The following OCIAD1 variants were observed in gnomAD, a reference collection of about 807,000 sequenced individuals.
The protein encoded by OCIAD1 is OCIA domain-containing protein 1.
OCIAD1 carries 29 observed loss-of-function variants against 38.9 expected under a neutral mutation model. The ratio of observed to expected loss-of-function variants is 0.74; its 90% CI spans 0.55 to 1.02. The LOEUF (loss-of-function observed/expected upper bound fraction) is 1.02, where lower values mean the gene tolerates loss of function less well. Ranked by LOEUF, OCIAD1 falls within the 50% of genes least tolerant of loss-of-function variation. OCIAD1 has a pLI of 0.00. For missense variants in OCIAD1, 288 were observed against 289.6 expected (o/e 0.99, Z 0.04); for synonymous variants, 110 against 92.0 (o/e 1.20, Z -1.12).
intron 1 of OCIAD1, among the ~76,000 whole-genome samples, chr4:48,807,391 C>T (rs1417456638): frequency 6.6e-6 from 1 of 152,038 alleles, no homozygotes; most frequent in African/African-American, 2.4e-5. Flanking sequence ...GGATCTACTA[C>T]TTATTAGCAA....
intron 1 of OCIAD1, among the ~76,000 whole-genome samples, chr4:48,822,614 A>G (rs1015714724): frequency 2.0e-5 from 3 of 152,232 alleles, no homozygotes; most frequent in Admixed American, 6.5e-5. Flanking sequence ...GGCAACCTAC[A>G]GAATGGGAGA....
At chr4:48,810,418 A>G (rs902513016) in intron 1 of OCIAD1, among the ~76,000 whole-genome samples, 5 of 150,042 alleles carry the variant, frequency 3.3e-5, no homozygotes, top group Admixed American at 6.7e-5. Context: ...GCAGTGAGCC[A>G]AGATCGCACC....
chr4:48,838,036 G>A (rs1778161716), intron 3 of OCIAD1, among the ~76,000 whole-genome samples: 2 of 152,080 alleles, frequency 1.3e-5, no homozygotes, highest in Non-Finnish European at 2.9e-5. Flanking sequence ...GACAAAAAGC[G>A]GCTGGGCTTG....
intron 4 of OCIAD1, among the ~76,000 whole-genome samples, chr4:48,847,324 C>T (rs1779058078): frequency 6.6e-6 from 1 of 152,040 alleles, no homozygotes; most frequent in Non-Finnish European, 1.5e-5. Flanking sequence ...TGTGAGACTT[C>T]TCTGTATACT....
At chr4:48,846,359 G>A (rs1560430458) in intron 4 of OCIAD1, among the ~76,000 whole-genome samples, 1 of 152,172 alleles carries the variant, frequency 6.6e-6, no homozygotes, top group Non-Finnish European at 1.5e-5. Flanking sequence ...TTTCAACATG[G>A]TGAGATTCAT....
chr4:48,815,219 AGG>A (rs1436036349), intron 1 of OCIAD1, among the ~76,000 whole-genome samples: 1 of 152,212 alleles, frequency 6.6e-6, no homozygotes, highest in East Asian at 1.9e-4. Context: ...AGACTGAGGC[AGG>A]AGAATTGCTT....
intron 1 of OCIAD1, among the ~76,000 whole-genome samples, chr4:48,820,193 C>A (rs1415240132): frequency 1.3e-5 from 2 of 152,174 alleles, no homozygotes; most frequent in African/African-American, 4.8e-5. Context: ...GAAATCATAA[C>A]AAACAGTCTC....
At chr4:48,829,259 T>TAA (rs1203075134), upstream of OCIAD1, among the ~76,000 whole-genome samples, 6 of 145,318 alleles carry the variant, frequency 4.1e-5, no homozygotes, top group African/African-American at 1.5e-4. Flanking sequence ...GGCCCTGTCC[T>TAA]AAAAAAAAAA....
intron 3 of OCIAD1, among the ~76,000 whole-genome samples, chr4:48,840,246 C>G (rs1778398589): frequency 6.6e-6 from 1 of 152,190 alleles, no homozygotes; most frequent in African/African-American, 2.4e-5. Context: ...GTAGAAATGG[C>G]CAGCTAACTC....
intron 1 of OCIAD1, among the ~76,000 whole-genome samples, chr4:48,807,677 G>A (rs546015811): frequency 1.0e-3 from 156 of 152,180 alleles, no homozygotes; most frequent in Middle Eastern, 3.4e-3. Flanking sequence ...GCTGGCCCAA[G>A]CAAAATCAAC....
At chr4:48,828,076 G>A (rs749228319), upstream of OCIAD1, among the ~76,000 whole-genome samples, 8 of 152,056 alleles carry the variant, frequency 5.3e-5, no homozygotes, top group African/African-American at 9.7e-5. Context: ...TCAGTGCTCT[G>A]TGTCTGGCTA....
chr4:48,817,617 C>A (rs952642521), intron 1 of OCIAD1, among the ~76,000 whole-genome samples: 4 of 152,240 alleles, frequency 2.6e-5, no homozygotes, highest in African/African-American at 9.6e-5. Flanking sequence ...AGCCAGGAAG[C>A]CAAGTGGTCT....
chr4:48,820,524 T>A (rs1339843762), intron 1 of OCIAD1, among the ~76,000 whole-genome samples: 1 of 152,042 alleles, frequency 6.6e-6, no homozygotes, highest in East Asian at 1.9e-4. Flanking sequence ...ATTCAAAAGC[T>A]AGCAGAAAAC....
intron 8 of OCIAD1, among the ~76,000 whole-genome samples, chr4:48,858,026 T>A (rs1010748102): frequency 7.2e-5 from 11 of 152,000 alleles, no homozygotes; most frequent in African/African-American, 2.4e-4. Context: ...TGGTGGTGCA[T>A]GCCTGTAATC....
chr4:48,812,291 A>C (rs1777096972), intron 1 of OCIAD1, among the ~76,000 whole-genome samples: 1 of 138,534 alleles, frequency 7.2e-6, no homozygotes, highest in Non-Finnish European at 1.6e-5. Flanking sequence ...TCAAAAAAAA[A>C]AAAAAAAAAA....
chr4:48,826,778 C>T (rs1777256697), upstream of OCIAD1, among the ~76,000 whole-genome samples: 5 of 152,136 alleles, frequency 3.3e-5, no homozygotes, highest in Admixed American at 3.3e-4. Context: ...CTCCAGCTAC[C>T]ACTCTATCTT....
At chr4:48,818,683 G>A (rs1173526886) in intron 1 of OCIAD1, among the ~76,000 whole-genome samples, 1 of 152,100 alleles carries the variant, frequency 6.6e-6, no homozygotes, top group Non-Finnish European at 1.5e-5. Context: ...CTTGATAAAG[G>A]TTACAGGAAC....
chr4:48,851,770 T>C, intron 6 of OCIAD1, 36 bp from the exon 7 acceptor site: 1 of 1,228,408 alleles, frequency 8.1e-7, no homozygotes, highest in Non-Finnish European at 1.2e-6. Context: ...AGGCAATGAC[T>C]CATATTTCTT....
intron 1 of OCIAD1, among the ~76,000 whole-genome samples, chr4:48,805,834 TAC>T (rs1349767575): frequency 2.0e-5 from 3 of 152,240 alleles, no homozygotes; most frequent in Non-Finnish European, 4.4e-5. Flanking sequence ...ATATGAATTA[TAC>T]AGTTATATGC....
Sources: gnomAD v4.1 joint callset for allele counts (sites outside exome capture counted in the v4.1 genomes callset) on GRCh38, gnomAD v4.1.1 for gene constraint, MANE v1.5 for transcripts, NCBI Gene and HGNC (gene_info 2026-07-23, HGNC 2026-07-21) for gene names.